Variants in ABCG1 observed in about 807,000 individuals in gnomAD.
ABCG1 encodes the protein ATP-binding cassette sub-family G member 1.
A neutral mutation model predicts 69.2 loss-of-function variants in ABCG1; 29 were observed. The ratio of observed to expected loss-of-function variants is 0.42; its 90% confidence interval spans 0.31 to 0.57. The LOEUF (loss-of-function observed/expected upper bound fraction) is 0.57. Ranked by LOEUF, ABCG1 falls within the 20% of genes least tolerant of loss-of-function variation. ABCG1 has a pLI of 0.15. For missense variants in ABCG1, 718 were observed against 898.1 expected (o/e 0.80, Z 2.56); for synonymous variants, 370 against 374.8 (o/e 0.99, Z 0.15).
intron 2 of ABCG1, among the ~76,000 whole-genome samples, chr21:42,253,048 A>G (rs1239679799): frequency 6.6e-6 from 1 of 152,156 alleles, no homozygotes; most frequent in Non-Finnish European, 1.5e-5. Flanking sequence ...GCATTAGCAC[A>G]CAGGGAGGGT....
At chr21:42,240,195 C>T (rs988416865) in intron 2 of ABCG1, among the ~76,000 whole-genome samples, 4 of 152,190 alleles carry the variant, frequency 2.6e-5, no homozygotes, top group African/African-American at 4.8e-5. Flanking sequence ...GGGTCTCCAA[C>T]GGCCACACGA....
intron 5 of ABCG1, among the ~76,000 whole-genome samples, chr21:42,279,474 C>T (rs747281957): frequency 2.0e-5 from 3 of 152,210 alleles, no homozygotes; most frequent in East Asian, 1.9e-4. Context: ...TGGAACCCAC[C>T]GGATGGCCTT....
At chr21:42,225,468 G>C (rs147719637) in intron 1 of ABCG1, among the ~76,000 whole-genome samples, 3 of 152,216 alleles carry the variant, frequency 2.0e-5, no homozygotes, top group Admixed American at 2.0e-4. Context: ...TTTACCTTAA[G>C]CATTTTTTAA....
chr21:42,256,908 C>T (rs1423371538), intron 2 of ABCG1, among the ~76,000 whole-genome samples: 1 of 152,238 alleles, frequency 6.6e-6, no homozygotes, highest in Non-Finnish European at 1.5e-5. Flanking sequence ...AGAGAGACCC[C>T]TCTTGCCGTC....
At chr21:42,266,733 A>G (rs2123711004) in intron 2 of ABCG1, among the ~76,000 whole-genome samples, 1 of 152,332 alleles carries the variant, frequency 6.6e-6, no homozygotes, top group South Asian at 2.1e-4. Flanking sequence ...ACAGGCTCAT[A>G]GAGCATTTGC....
At chr21:42,289,625 G>A (rs2069015666) in intron 10 of ABCG1, among the ~76,000 whole-genome samples, 2 of 152,172 alleles carry the variant, frequency 1.3e-5, no homozygotes, top group Non-Finnish European at 2.9e-5. Context: ...TGGCTTCTGG[G>A]ACCTAATTTG....
chr21:42,243,447 C>T (rs691748), intron 2 of ABCG1, among the ~76,000 whole-genome samples: 13,891 of 81,262 alleles, frequency 0.17, 803 homozygotes, highest in African/African-American at 0.35. Context: ...TGTGTGTGCG[C>T]GTGTGTGTGT....
At position 42,296,508 on chromosome 21, in the gene ABCG1, C is replaced by G; in HGVS notation, c.*116C>G. ...CACAGAGACTCTTCTGATCCAACCCCTAGAACCGCGTTGGGTTTGTGGGTG... is the reference window on the plus strand; with the variant it reads ...CACAGAGACTCTTCTGATCCAACCCGTAGAACCGCGTTGGGTTTGTGGGTG... On this transcript the variant is annotated 3_prime_UTR_variant, in exon 15 of 15. Transcript: ENST00000398449. The surrounding 1 kb of genome is among the most constrained non-coding windows in gnomAD (Gnocchi z 5.4). 1.1e-6 allele frequency: 1 copy of G among 933,598 alleles called. No homozygotes were observed. The highest frequency in any genetic ancestry group is 1.5e-5 in the South Asian group (1 of 65,450). 57.8% of individuals were successfully genotyped at this position (933,598 alleles called of 1,614,324 possible). A position where few individuals can be genotyped will look rare whatever the true frequency, so the allele number is the denominator to read the frequency against.
At chr21:42,274,063 G>A (rs1162016764) in intron 4 of ABCG1, among the ~76,000 whole-genome samples, 1 of 152,230 alleles carries the variant, frequency 6.6e-6, no homozygotes, top group African/African-American at 2.4e-5. Flanking sequence ...ACGTGGCCAG[G>A]GCTGTCTGTC....
At chr21:42,262,657 G>A (rs139057099) in intron 2 of ABCG1, among the ~76,000 whole-genome samples, 17 of 152,356 alleles carry the variant, frequency 1.1e-4, no homozygotes, top group Middle Eastern at 3.4e-3. Flanking sequence ...GCTGGGAACC[G>A]CTCTGCGGGG....
At chr21:42,214,495 A>G (rs1321975142), upstream of ABCG1, among the ~76,000 whole-genome samples, 1 of 152,240 alleles carries the variant, frequency 6.6e-6, no homozygotes, top group Non-Finnish European at 1.5e-5. Context: ...GGCCGGGGCC[A>G]GGCTGACCAG....
chr21:42,291,671 G>A lies in ABCG1; in HGVS notation c.1653+15G>A, dbSNP rs1258313122. ...CGTCCCTGCAGGTGCCAGCCCAGGA[G>A]GCGCTAAGTGAGGGCATGACGGCTG... On this transcript the variant is annotated intron_variant, in intron 13 of 14. Coordinates refer to ENST00000398449, the MANE Select transcript of ABCG1 (RefSeq NM_016818.3). The surrounding 1 kb of genome is among the most constrained non-coding windows in gnomAD (Gnocchi z 6.4). The A allele has an allele frequency of 1.3e-6, 2 of 1,589,926 alleles. No individual in the cohort carries two copies. The highest frequency in any genetic ancestry group is 3.4e-5 in the Admixed American group (2 of 58,354).
At chr21:42,217,578 A>G (rs963257547), upstream of ABCG1, among the ~76,000 whole-genome samples, 2 of 151,648 alleles carry the variant, frequency 1.3e-5, no homozygotes, top group African/African-American at 4.9e-5. Context: ...AAGGCACCAC[A>G]CAGCCTCCAA....
chr21:42,260,164 C>A (rs956207077), intron 2 of ABCG1: 1 of 1,550,492 alleles, frequency 6.4e-7, no homozygotes, highest in Non-Finnish European at 8.7e-7. Context: ...TGTTGCTTCT[C>A]GGGTGAAGCT....
intron 1 of ABCG1, among the ~76,000 whole-genome samples, chr21:42,225,127 G>A (rs2123519735): frequency 6.6e-6 from 1 of 152,308 alleles, no homozygotes; most frequent in Middle Eastern, 3.4e-3. Context: ...GAGTAGAATT[G>A]TAAGTGATTT....
Position 42,249,928 on chromosome 21 carries a change from C to T in ABCG1, c.287-21142C>T, listed in dbSNP as rs558910884. Among the ~76,000 whole-genome samples, 5 of 151,830 alleles carry T rather than the reference C, an allele frequency of 3.3e-5. No homozygotes were observed. In the East Asian group the frequency reaches 9.7e-4, roughly 30 times the overall value. ...GCTGAGGCAGGAGAATCACTTGAAC[C>T]TGGGAGGCGGAGGTTGCAGTCAGCC... On this transcript the variant is annotated intron_variant, in intron 2 of 14. Transcript: ENST00000398449.
chr21:42,234,876 C>G (rs752544025), intron 2 of ABCG1, among the ~76,000 whole-genome samples: 7 of 151,478 alleles, frequency 4.6e-5, no homozygotes, highest in Non-Finnish European at 8.9e-5. Context: ...CCGCCGCCAC[C>G]GCCCGCGCCG....
Position 42,228,253 on chromosome 21 carries a change from G to A in ABCG1, c.286+2339G>A, listed in dbSNP as rs368024772. On this transcript the variant is annotated intron_variant, in intron 2 of 14. Transcript: ENST00000398449. ...GCAGGGGAAGAGCCTGCAATGGGCC[G>A]CCGAGGGACCTGCCCATGACTCAGA... 1.7e-3 allele frequency among the ~76,000 whole-genome samples: 264 copies of A among 152,290 alleles called. 1 individual carries two copies. The highest frequency in any genetic ancestry group is 0.011 in the South Asian group (53 of 4,816).
intron 14 of ABCG1, chr21:42,294,938 G>A (rs1303098046): frequency 7.8e-6 from 3 of 385,438 alleles, no homozygotes; most frequent in South Asian, 2.8e-5. Flanking sequence ...AGCTGCCTTC[G>A]GTGGAAGCGC....
Sources: gnomAD v4.1 joint callset for allele counts (sites outside exome capture counted in the v4.1 genomes callset) on GRCh38, gnomAD v4.1.1 for gene constraint, Gnocchi (gnomAD v3.1) non-coding constraint, MANE v1.5 for transcripts, NCBI Gene and HGNC (gene_info 2026-07-23, HGNC 2026-07-21) for gene names.